HS3ST4: variants seen among roughly 807,000 people sequenced by gnomAD.
The protein encoded by HS3ST4 is heparan sulfate-glucosamine 3-sulfotransferase 4.
HS3ST4 carries 17 observed loss-of-function variants against 29.2 expected under a neutral mutation model. The observed-to-expected ratio is 0.58, with a 90% confidence interval of 0.40 to 0.87. The LOEUF (loss-of-function observed/expected upper bound fraction) is 0.87, where lower values mean the gene tolerates loss of function less well. Among genes scored for constraint, HS3ST4 ranks in the 40% least tolerant of loss-of-function variants. The pLI is 0.00. For missense variants in HS3ST4, 627 were observed against 634.5 expected (o/e 0.99, Z 0.13); for synonymous variants, 314 against 285.7 (o/e 1.10, Z -1.00).
At chr16:25,949,584 G>A (rs762714038) in intron 1 of HS3ST4, among the ~76,000 whole-genome samples, 8 of 152,172 alleles carry the variant, frequency 5.3e-5, no homozygotes, top group Non-Finnish European at 2.9e-5. Context: ...AGAGACTTCA[G>A]TGTAGAATTA....
chr16:26,134,707 A>T (rs1898257892), intron 1 of HS3ST4, among the ~76,000 whole-genome samples: 4 of 152,160 alleles, frequency 2.6e-5, no homozygotes, highest in Admixed American at 2.6e-4. Flanking sequence ...TGAGGTCACA[A>T]AGCCTGTCTG....
At chr16:25,994,038 C>G (rs1226610482) in intron 1 of HS3ST4, among the ~76,000 whole-genome samples, 1 of 148,822 alleles carries the variant, frequency 6.7e-6, no homozygotes, top group Non-Finnish European at 1.5e-5. Context: ...GAGAATCTGT[C>G]TTCCCCTTCT....
chr16:25,906,084 G>C (rs765312836), intron 1 of HS3ST4, among the ~76,000 whole-genome samples: 1 of 152,146 alleles, frequency 6.6e-6, no homozygotes, highest in Non-Finnish European at 1.5e-5. Context: ...AGCATGTTTC[G>C]TTGAGATAAG....
chr16:25,832,784 C>T (rs893509708), intron 1 of HS3ST4, among the ~76,000 whole-genome samples: 1 of 152,066 alleles, frequency 6.6e-6, no homozygotes, highest in Non-Finnish European at 1.5e-5. Flanking sequence ...TTCCTTTATC[C>T]ATATTTTAAA....
chr16:25,999,835 A>ATATATATTTTATATATATTATATATAT (rs1567290755), intron 1 of HS3ST4, among the ~76,000 whole-genome samples: 27 of 106,132 alleles, frequency 2.5e-4, no homozygotes, highest in East Asian at 1.7e-3. Context: ...TTTATATATT[A>ATATATATTTTATATATATTATATATAT]TATATATTTT....
chr16:25,978,668 C>A (rs1446202283), intron 1 of HS3ST4, among the ~76,000 whole-genome samples: 1 of 152,226 alleles, frequency 6.6e-6, no homozygotes, highest in Non-Finnish European at 1.5e-5. Flanking sequence ...ATAAAAGTTA[C>A]TGTCTTCTTT....
chr16:26,129,799 C>A (rs941783349), intron 1 of HS3ST4, among the ~76,000 whole-genome samples: 1 of 152,164 alleles, frequency 6.6e-6, no homozygotes, highest in Non-Finnish European at 1.5e-5. Context: ...TGCTTGGAGA[C>A]GTCAGTCTAG....
At chr16:25,728,548 A>T (rs188869748) in intron 1 of HS3ST4, among the ~76,000 whole-genome samples, 84 of 152,344 alleles carry the variant, frequency 5.5e-4, no homozygotes, top group African/African-American at 2.0e-3. Flanking sequence ...GTTTATGATG[A>T]TGATGATGAT....
chr16:25,997,585 A>T (rs1394173134), intron 1 of HS3ST4, among the ~76,000 whole-genome samples: 2 of 152,206 alleles, frequency 1.3e-5, no homozygotes, highest in East Asian at 1.9e-4. Context: ...CATGGTCATG[A>T]TGTCCCTAGT....
intron 1 of HS3ST4, among the ~76,000 whole-genome samples, chr16:25,765,869 G>T (rs1223713563): frequency 2.0e-5 from 3 of 152,134 alleles, no homozygotes; most frequent in Non-Finnish European, 4.4e-5. Flanking sequence ...GCTGGGAGGG[G>T]GTTTGGATGT....
intron 1 of HS3ST4, among the ~76,000 whole-genome samples, chr16:25,952,039 T>C (rs1968687953): frequency 6.6e-6 from 1 of 151,892 alleles, no homozygotes. Context: ...ATGAAAATCA[T>C]ATAGAATTCA....
chr16:25,745,385 T>G (rs1966679172), intron 1 of HS3ST4, among the ~76,000 whole-genome samples: 1 of 152,182 alleles, frequency 6.6e-6, no homozygotes, highest in Non-Finnish European at 1.5e-5. Context: ...TACTGAATGC[T>G]TAGAGCAAGC....
At chr16:25,771,346 C>A (rs1258285744) in intron 1 of HS3ST4, among the ~76,000 whole-genome samples, 1 of 152,128 alleles carries the variant, frequency 6.6e-6, no homozygotes, top group Non-Finnish European at 1.5e-5. Flanking sequence ...TACCATCTGG[C>A]CACCATGTTG....
chr16:25,865,084 A>G (rs7359341), intron 1 of HS3ST4, among the ~76,000 whole-genome samples: 40,657 of 151,978 alleles, frequency 0.27, 5,973 homozygotes, highest in East Asian at 0.45. Flanking sequence ...TATCTTGGCT[A>G]TTGGAACAAT....
At chr16:26,091,030 G>A (rs1221644151) in intron 1 of HS3ST4, among the ~76,000 whole-genome samples, 1 of 152,136 alleles carries the variant, frequency 6.6e-6, no homozygotes, top group Non-Finnish European at 1.5e-5. Context: ...AATAAAATCT[G>A]TGCTGTTTTA....
chr16:25,933,031 CTT>C (rs983715688), intron 1 of HS3ST4, among the ~76,000 whole-genome samples: 48 of 152,106 alleles, frequency 3.2e-4, no homozygotes, highest in African/African-American at 1.1e-3. Context: ...TTCCAGATTT[CTT>C]TGTCCCACAT....
At chr16:26,114,284 T>C (rs1474246054) in intron 1 of HS3ST4, among the ~76,000 whole-genome samples, 2 of 152,120 alleles carry the variant, frequency 1.3e-5, no homozygotes, top group Non-Finnish European at 2.9e-5. Context: ...GGTCTTTTTT[T>C]CCCTCTCATA....
chr16:26,042,029 G>A (rs1416730573), intron 1 of HS3ST4, among the ~76,000 whole-genome samples: 1 of 152,204 alleles, frequency 6.6e-6, no homozygotes, highest in East Asian at 1.9e-4. Context: ...ATCTACTGAT[G>A]CATAATTGTT....
intron 1 of HS3ST4, among the ~76,000 whole-genome samples, chr16:25,802,927 ATGTGTGTG>A (rs71158967): frequency 0.012 from 1,176 of 101,908 alleles, 11 homozygotes; most frequent in East Asian, 0.053. Flanking sequence ...TAAGTTATAT[ATGTGTGTG>A]TGTGTGTGTG....
Sources: gnomAD v4.1 joint callset for allele counts (sites outside exome capture counted in the v4.1 genomes callset) on GRCh38, gnomAD v4.1.1 for gene constraint, MANE v1.5 for transcripts, NCBI Gene and HGNC (gene_info 2026-07-23, HGNC 2026-07-21) for gene names.